CPLX2: variants seen among roughly 807,000 people sequenced by gnomAD.
CPLX2 encodes the protein complexin-2.
Under a neutral mutation model 16.3 loss-of-function variants are expected in CPLX2, and 5 were observed. The ratio of observed to expected loss-of-function variants is 0.31; its 90% CI spans 0.16 to 0.64. CPLX2 has a LOEUF of 0.64. Among genes scored for constraint, CPLX2 ranks in the 30% least tolerant of loss-of-function variants. CPLX2 has a pLI of 0.79. For missense variants in CPLX2, 144 were observed against 181.4 expected (o/e 0.79, Z 1.18); for synonymous variants, 89 against 73.2 (o/e 1.22, Z -1.10).
At chr5:175,861,133 G>A (rs1759364562) in intron 2 of CPLX2, among the ~76,000 whole-genome samples, 1 of 152,172 alleles carries the variant, frequency 6.6e-6, no homozygotes, top group Non-Finnish European at 1.5e-5. Flanking sequence ...CAAAGGCCAT[G>A]GGCCAAGACA....
At chr5:175,813,131 T>C (rs1422207126) in intron 2 of CPLX2, among the ~76,000 whole-genome samples, 1 of 152,222 alleles carries the variant, frequency 6.6e-6, no homozygotes, top group African/African-American at 2.4e-5. Context: ...CTGTACAAGA[T>C]GACTTTAGCT....
intron 1 of CPLX2, among the ~76,000 whole-genome samples, chr5:175,799,559 T>TTTATATATAA (rs1554117354): frequency 7.1e-6 from 1 of 141,072 alleles, no homozygotes; most frequent in East Asian, 2.0e-4. Context: ...TATATATATA[T>TTTATATATAA]ATATATATAT....
At chr5:175,857,169 T>C (rs903710794) in intron 2 of CPLX2, among the ~76,000 whole-genome samples, 1 of 152,170 alleles carries the variant, frequency 6.6e-6, no homozygotes, top group South Asian at 2.1e-4. Flanking sequence ...CTGGGCTCCA[T>C]TCTGTCCTGG....
chr5:175,811,822 A>G (rs1049212185), intron 2 of CPLX2, among the ~76,000 whole-genome samples: 20 of 152,254 alleles, frequency 1.3e-4, no homozygotes, highest in African/African-American at 4.6e-4. Context: ...AGGGGGCACC[A>G]CATGGCTAAA....
rs570426905 is a variant in CPLX2 at position 175,881,343 on chromosome 5, A to G, written c.*1298A>G. The G allele has an allele frequency of 5.9e-5, 9 of 153,512 alleles. No individual in the cohort carries two copies. The highest frequency in any genetic ancestry group is 2.2e-4 in the African/African-American group (9 of 41,550). The allele number at this position is 153,512 out of a possible 1,614,324, so 9.5% of individuals were successfully genotyped here. On this transcript the variant is annotated 3_prime_UTR_variant, in exon 4 of 4. Transcript: ENST00000393745. ...CTATGTGTTACAGATTGTGTATGTT[A>G]GCCTTGTGTATGTGTGCTTGATTGA...
intron 2 of CPLX2, among the ~76,000 whole-genome samples, chr5:175,854,129 A>C (rs6860420): frequency 0.46 from 70,034 of 152,060 alleles, 17,559 homozygotes; most frequent in Non-Finnish European, 0.55. Context: ...CCCTGTCCCC[A>C]GCACCCCTGA....
intron 2 of CPLX2, among the ~76,000 whole-genome samples, chr5:175,854,469 AG>A (rs1489959355): frequency 6.6e-6 from 1 of 152,176 alleles, no homozygotes; most frequent in Non-Finnish European, 1.5e-5. Flanking sequence ...TTTGCCCTTC[AG>A]TGTAATGGGG....
At chr5:175,808,821 C>G (rs1581068234) in intron 1 of CPLX2, among the ~76,000 whole-genome samples, 1 of 152,200 alleles carries the variant, frequency 6.6e-6, no homozygotes, top group Non-Finnish European at 1.5e-5. Context: ...TGATGCCAGG[C>G]AGGGTCCCAT....
At chr5:175,837,855 G>A (rs1189028029) in intron 2 of CPLX2, 1 of 152,196 alleles carries the variant, frequency 6.6e-6, no homozygotes, top group African/African-American at 2.4e-5. Flanking sequence ...CACGGGGCCG[G>A]ACACTGGGAT....
intron 2 of CPLX2, among the ~76,000 whole-genome samples, chr5:175,828,302 A>G (rs994202769): frequency 6.6e-6 from 1 of 152,170 alleles, no homozygotes; most frequent in Non-Finnish European, 1.5e-5. Flanking sequence ...AAACTGTTCT[A>G]TTGGAACAGC....
At chr5:175,814,457 T>C (rs532655685) in intron 2 of CPLX2, among the ~76,000 whole-genome samples, 1 of 152,168 alleles carries the variant, frequency 6.6e-6, no homozygotes, top group Non-Finnish European at 1.5e-5. Flanking sequence ...AATTAGAGGC[T>C]GTGGTCCAGT....
At chr5:175,875,572 C>T (rs1263163882) in intron 1 of CPLX2, among the ~76,000 whole-genome samples, 1 of 152,202 alleles carries the variant, frequency 6.6e-6, no homozygotes, top group Non-Finnish European at 1.5e-5. Context: ...CAATTACTCA[C>T]TATTGCACAG....
At chr5:175,819,180 C>T (rs1478954098) in intron 2 of CPLX2, among the ~76,000 whole-genome samples, 2 of 152,100 alleles carry the variant, frequency 1.3e-5, no homozygotes, top group Non-Finnish European at 2.9e-5. Flanking sequence ...GCTTTAGACT[C>T]TTGGGAGAAG....
chr5:175,866,672 C>G (rs1759484621), upstream of CPLX2, among the ~76,000 whole-genome samples: 1 of 152,144 alleles, frequency 6.6e-6, no homozygotes, highest in Admixed American at 6.5e-5. Context: ...GAGTTAGGGG[C>G]AGGGCTTTGG....
chr5:175,852,074 ACCT>A (rs2113680029), intron 2 of CPLX2, among the ~76,000 whole-genome samples: 1 of 152,218 alleles, frequency 6.6e-6, no homozygotes, highest in East Asian at 1.9e-4. Flanking sequence ...AATGACAGAA[ACCT>A]CAGCGCACAG....
chr5:175,857,862 A>G (rs1292556163), intron 2 of CPLX2, among the ~76,000 whole-genome samples: 2 of 152,164 alleles, frequency 1.3e-5, no homozygotes, highest in Non-Finnish European at 1.5e-5. Flanking sequence ...CCTGGCCCAG[A>G]GCACGTGCTC....
intron 2 of CPLX2, among the ~76,000 whole-genome samples, chr5:175,852,077 T>C (rs1759167636): frequency 6.6e-6 from 1 of 152,110 alleles, no homozygotes; most frequent in African/African-American, 2.4e-5. Context: ...GACAGAAACC[T>C]CAGCGCACAG....
intron 2 of CPLX2, among the ~76,000 whole-genome samples, chr5:175,862,870 G>T (rs1759398659): frequency 6.6e-6 from 1 of 152,204 alleles, no homozygotes; most frequent in Non-Finnish European, 1.5e-5. Flanking sequence ...GGGTCCAAAT[G>T]AAATACACAG....
At chr5:175,805,378 G>T (rs920744087) in intron 1 of CPLX2, 1 of 152,200 alleles carries the variant, frequency 6.6e-6, no homozygotes, top group African/African-American at 2.4e-5. Context: ...CGAGCAATAA[G>T]CATGGAAAAT....
Sources: allele counts gnomAD v4.1 joint callset (sites outside exome capture counted in the v4.1 genomes callset), GRCh38; gene constraint gnomAD v4.1.1; transcripts MANE v1.5; gene names NCBI Gene and HGNC (gene_info 2026-07-23, HGNC 2026-07-21).